GRM4: variants seen among roughly 807,000 people sequenced by gnomAD.
GRM4 encodes metabotropic glutamate receptor 4.
Under a neutral mutation model 81.7 loss-of-function variants are expected in GRM4, and 28 were observed. The ratio of observed to expected loss-of-function variants is 0.34; its 90% confidence interval spans 0.25 to 0.47. The LOEUF is 0.47. Among genes scored for constraint, GRM4 ranks in the 20% least tolerant of loss-of-function variants. The pLI is 1.00. For synonymous variants in GRM4, 488 were observed against 528.8 expected, an observed-to-expected ratio of 0.92 and a Z score of 1.06; for missense variants, 948 against 1,290.0, an observed-to-expected ratio of 0.73 and a Z score of 4.06.
At chr6:34,056,330 G>T in intron 6 of GRM4, 1 of 579,530 alleles carries the variant, frequency 1.7e-6, no homozygotes, top group Non-Finnish European at 3.1e-6. Context: ...CACTCCCAAG[G>T]ATCTCAAGGC....
At chr6:34,023,194 C>G (rs1581575254) in intron 10 of GRM4, among the ~76,000 whole-genome samples, 1 of 152,264 alleles carries the variant, frequency 6.6e-6, no homozygotes, top group East Asian at 1.9e-4. Flanking sequence ...TCCTCTAGCA[C>G]TCCTTCCCAA....
chr6:34,053,983 C>T (rs1581623924), intron 6 of GRM4, among the ~76,000 whole-genome samples: 1 of 152,274 alleles, frequency 6.6e-6, no homozygotes, highest in East Asian at 1.9e-4. Context: ...GTGACTCTAA[C>T]GCACCTCCAG....
rs1432546555 is a variant in GRM4, at chr6:34,022,590, G to A, written c.*231C>T. 1 of 579,372 alleles carries A rather than the reference G, an allele frequency of 1.7e-6. No homozygotes were observed. Among genetic ancestry groups the A allele is most frequent in the Non-Finnish European group, 3.1e-6 (1 of 323,162 alleles). 35.9% of individuals were successfully genotyped at this position (579,372 alleles called of 1,614,324 possible). A position where few individuals can be genotyped will look rare whatever the true frequency, so the allele number is the denominator to read the frequency against. ...GGGAGGGGCAATGGTCCAAGACGCAGGTTCTTGTGGTAGCCTGGCACCGCC... is the reference window on the plus strand; with the variant it reads ...GGGAGGGGCAATGGTCCAAGACGCAAGTTCTTGTGGTAGCCTGGCACCGCC... On this transcript the variant is annotated 3_prime_UTR_variant, in exon 11 of 11. Coordinates refer to ENST00000538487, the MANE Select transcript of GRM4 (RefSeq NM_000841.4). The surrounding 1 kb of genome is among the most constrained non-coding windows in gnomAD (Gnocchi z 5.6).
chr6:34,138,723 A>G (rs1337509053), intron 1 of GRM4, among the ~76,000 whole-genome samples: 1 of 152,178 alleles, frequency 6.6e-6, no homozygotes, highest in Non-Finnish European at 1.5e-5. Flanking sequence ...TAGCCCTTCA[A>G]ATCCTCGCAG....
chr6:34,124,354 C>A (rs777833648), intron 2 of GRM4, among the ~76,000 whole-genome samples: 2 of 152,216 alleles, frequency 1.3e-5, no homozygotes, highest in Non-Finnish European at 1.5e-5. Context: ...AAGGCCCCCC[C>A]ACCAACCCTG....
At chr6:34,108,398 C>T (rs972122009) in intron 2 of GRM4, among the ~76,000 whole-genome samples, 5 of 152,246 alleles carry the variant, frequency 3.3e-5, no homozygotes, top group African/African-American at 1.2e-4. Flanking sequence ...GAGCTGCTAG[C>T]GCCTAGCCCA....
At chr6:34,081,575 C>T (rs375305185) in intron 3 of GRM4, among the ~76,000 whole-genome samples, 1 of 152,156 alleles carries the variant, frequency 6.6e-6, no homozygotes, top group Non-Finnish European at 1.5e-5. Context: ...CCTTTTTGGT[C>T]TTAGAAATGA....
In GRM4 at chr6:34,115,099, G is replaced by T. The variant is rs1052585583; in HGVS notation, c.519+17879C>A. Among the ~76,000 whole-genome samples the T allele has an allele frequency of 7.2e-5, 11 of 152,222 alleles. No individual in the cohort carries two copies. Among genetic ancestry groups the T allele is most frequent in the African/African-American group, 2.7e-4 (11 of 41,466 alleles). On this transcript the variant is annotated intron_variant, in intron 2 of 10. Transcript: ENST00000538487. This position sits in a 1 kb window ranked among gnomAD's most constrained non-coding sequence, Gnocchi z 4.1. ...CAGATGCTGCTAACCTCTCCTCAGG[G>T]GTTGCCTGGGTGCAAAGAGGTTCAC...
At chr6:34,087,708 CCA>C (rs1554127495) in intron 3 of GRM4, among the ~76,000 whole-genome samples, 45 of 137,924 alleles carry the variant, frequency 3.3e-4, no homozygotes, top group Middle Eastern at 3.9e-3. Flanking sequence ...AACCCCCCCC[CCA>C]CACACACACA....
chr6:34,048,620 G>C lies in GRM4; in HGVS notation c.1169-7872C>G, dbSNP rs1245633927. 2.6e-5 allele frequency among the ~76,000 whole-genome samples: 4 copies of C among 152,150 alleles called. No individual in the cohort carries two copies. The highest frequency in any genetic ancestry group is 4.4e-5 in the Non-Finnish European group (3 of 68,024). On this transcript the variant is annotated intron_variant, in intron 6 of 10. Transcript: ENST00000538487. This position sits in a 1 kb window ranked among gnomAD's most constrained non-coding sequence, Gnocchi z 4.0. ...TTACTAGGTGACAAGGTTTGGCTCT[G>C]TGTCCCCACCCCAAATCTCACCTCG... is the stretch of plus-strand genomic sequence containing the variant.
chr6:34,153,285 G>A (rs887682440), intron 1 of GRM4, among the ~76,000 whole-genome samples: 13 of 152,222 alleles, frequency 8.5e-5, no homozygotes, highest in Admixed American at 7.8e-4. Context: ...GGCCCAGAGA[G>A]GCCAGGGCTG....
chr6:34,150,303 G>A (rs907997747), upstream of GRM4, among the ~76,000 whole-genome samples: 1 of 152,222 alleles, frequency 6.6e-6, no homozygotes, highest in African/African-American at 2.4e-5. Context: ...GAGCAGGTAG[G>A]TGAGGATTTA....
intron 6 of GRM4, chr6:34,056,337 A>G: frequency 1.7e-6 from 1 of 584,998 alleles, no homozygotes. Flanking sequence ...AAGGATCTCA[A>G]GGCCACACCC....
intron 8 of GRM4, 146 bp downstream of exon 8, chr6:34,040,032 G>T: frequency 1.3e-6 from 1 of 764,590 alleles, no homozygotes; most frequent in Non-Finnish European, 2.2e-6. Context: ...TGAGGTCTGG[G>T]AGAGGGCACT....
At chr6:34,053,590 C>T (rs1327837136) in intron 6 of GRM4, among the ~76,000 whole-genome samples, 1 of 152,218 alleles carries the variant, frequency 6.6e-6, no homozygotes, top group Admixed American at 6.5e-5. Context: ...TGCCCTTTTG[C>T]TCATGCCTCC....
Position 34,121,210 on chromosome 6 carries a change from C to G in GRM4, c.519+11768G>C, listed in dbSNP as rs1005900189. Among the ~76,000 whole-genome samples the G allele has an allele frequency of 1.3e-5, 2 of 152,140 alleles. No homozygotes were observed. Among genetic ancestry groups the G allele is most frequent in the African/African-American group, 2.4e-5 (1 of 41,408 alleles). On this transcript the variant is annotated intron_variant, in intron 2 of 10. Transcript: ENST00000538487. The surrounding 1 kb of genome is among the most constrained non-coding windows in gnomAD (Gnocchi z 4.6). ...CCACTCACCCTCACACACCGCCCCC[C>G]AGTCCTAAGCCTCAGACTCCTTCCC...
intron 3 of GRM4, among the ~76,000 whole-genome samples, chr6:34,073,464 C>G (rs1767141352): frequency 1.3e-5 from 2 of 150,794 alleles, no homozygotes; most frequent in East Asian, 1.9e-4. Context: ...AACACATCCA[C>G]ACATCACCAT....
chr6:34,126,054 C>T (rs74843820), intron 2 of GRM4, among the ~76,000 whole-genome samples: 3,432 of 152,254 alleles, frequency 0.023, 48 homozygotes, highest in African/African-American at 0.047. Context: ...ATTTCACAGG[C>T]GAGTAAACTG....
chr6:34,051,662 CGCT>C (rs558133063), intron 6 of GRM4, among the ~76,000 whole-genome samples: 72 of 152,272 alleles, frequency 4.7e-4, no homozygotes, highest in African/African-American at 1.6e-3. Context: ...AGGAGGCAGG[CGCT>C]ATCTTCCCGT....
Sources: gnomAD v4.1 joint callset for allele counts (sites outside exome capture counted in the v4.1 genomes callset) on GRCh38, gnomAD v4.1.1 for gene constraint, Gnocchi (gnomAD v3.1) non-coding constraint, MANE v1.5 for transcripts, NCBI Gene and HGNC (gene_info 2026-07-23, HGNC 2026-07-21) for gene names.